The following KLHL4 variants were observed in gnomAD, a reference collection of about 807,000 sequenced individuals.
KLHL4 encodes kelch-like protein 4.
KLHL4 carries 17 observed loss-of-function variants against 45.8 expected under a neutral mutation model. The observed-to-expected ratio is 0.37, with a 90% CI of 0.25 to 0.56. The LOEUF is 0.56. Among genes scored for constraint, KLHL4 ranks in the 20% least tolerant of loss-of-function variants. The pLI, the probability that KLHL4 is intolerant of heterozygous loss-of-function variation, is 0.79. For synonymous variants in KLHL4, 224 were observed against 189.9 expected, an observed-to-expected ratio of 1.18 and a Z score of -1.47; for missense variants, 544 against 544.9, an observed-to-expected ratio of 1.00 and a Z score of 0.02.
At chrX:87,560,305 T>C (rs1437977027) in intron 1 of KLHL4, among the ~76,000 whole-genome samples, 1 of 112,045 alleles carries the variant, frequency 8.9e-6, no homozygotes, top group Admixed American at 9.5e-5. Context: ...TTTTTGGAGA[T>C]TACTTCCTCT....
chrX:87,654,714 G>T (rs1235329247), intron 9 of KLHL4, among the ~76,000 whole-genome samples: 1 of 111,851 alleles, frequency 8.9e-6, no homozygotes, highest in African/African-American at 3.3e-5. Context: ...CTTTGAGAAA[G>T]CTGCATACTG....
chrX:87,555,929 C>T (rs1931961842), intron 1 of KLHL4, among the ~76,000 whole-genome samples: 1 of 109,988 alleles, frequency 9.1e-6, no homozygotes, highest in Non-Finnish European at 1.9e-5. Context: ...TCTTTGTTCT[C>T]GTTGGTTTCA....
intron 1 of KLHL4, among the ~76,000 whole-genome samples, chrX:87,573,589 A>C (rs1243096320): frequency 1.8e-5 from 2 of 111,368 alleles, no homozygotes. Context: ...TTGTTGATTA[A>C]ATAATAAAGA....
In KLHL4 at chrX:87,558,310, C is replaced by T. The variant is rs1045056514; in HGVS notation, c.422+39995C>T. Among the ~76,000 whole-genome samples, 7 of 111,219 alleles carry T rather than the reference C, an allele frequency of 6.3e-5. No individual in the cohort carries two copies. In the East Asian group the frequency reaches 2.0e-3, roughly 32 times the overall value. On this transcript the variant is annotated intron_variant, in intron 1 of 10. Coordinates refer to ENST00000373119, the MANE Select transcript of KLHL4 (RefSeq NM_019117.5). ...TCTCATTTGTAAAATGAGGACGGTA[C>T]ATGTACCTATGTTATATGACTGTGT...
At position 87,560,161 on chromosome X, in the gene KLHL4, A is replaced by T. The variant is rs142591703; in HGVS notation, c.422+41846A>T. ...GCATTTGGTTTTAAACCCTGTGACA[A>T]TAATGCTTCTATCTTTCCTTAAGAC... On this transcript the variant is annotated intron_variant, in intron 1 of 10. Transcript: ENST00000373119. Among the ~76,000 whole-genome samples the T allele has an allele frequency of 7.6e-3, 851 of 111,917 alleles. 6 individuals are homozygous for T. Among genetic ancestry groups the T allele is most frequent in the African/African-American group, 0.026 (810 of 30,869 alleles).
intron 4 of KLHL4, 135 bp from the exon 5 acceptor site, chrX:87,622,076 C>T: frequency 2.2e-6 from 1 of 462,493 alleles, no homozygotes; most frequent in Non-Finnish European, 3.8e-6. Context: ...AGCAGGAGCA[C>T]CTATTTTTTA....
chrX:87,533,487 A>G, intron 1 of KLHL4, among the ~76,000 whole-genome samples: 1 of 98,218 alleles, frequency 1.0e-5, no homozygotes, highest in Non-Finnish European at 2.0e-5. Context: ...TCTCACTCAT[A>G]GGTGGGAATT....
At chrX:87,623,220 CAA>C (rs1922810284) in intron 5 of KLHL4, among the ~76,000 whole-genome samples, 1 of 103,791 alleles carries the variant, frequency 9.6e-6, no homozygotes, top group Non-Finnish European at 2.0e-5. Context: ...ACTTTTATAA[CAA>C]AGTTACTAAT....
chrX:87,556,177 G>C (rs184545920), intron 1 of KLHL4, among the ~76,000 whole-genome samples: 227 of 110,663 alleles, frequency 2.1e-3, no homozygotes, highest in African/African-American at 7.0e-3. Flanking sequence ...GTGTGGTGTG[G>C]TGCCAAAGGA....
chrX:87,562,770 T>G (rs1932127484), intron 1 of KLHL4, among the ~76,000 whole-genome samples: 1 of 111,212 alleles, frequency 9.0e-6, no homozygotes, highest in Non-Finnish European at 1.9e-5. Context: ...TGAATAAACA[T>G]TAGCAGTAGA....
chrX:87,542,688 T>G (rs1057208482), intron 1 of KLHL4, among the ~76,000 whole-genome samples: 4 of 112,112 alleles, frequency 3.6e-5, no homozygotes, highest in Non-Finnish European at 7.5e-5. Context: ...CATTGTATCT[T>G]GGAAGTAAAT....
chrX:87,647,087 C>T lies in KLHL4; in HGVS notation c.1925+11312C>T, dbSNP rs1009670422. ...GAAGTGGGCTAAGGACATGAATAGA[C>T]AACTCTCAAAAGAAGATATACATAT... On this transcript the variant is annotated intron_variant, in intron 9 of 10. Coordinates refer to ENST00000373119, the MANE Select transcript of KLHL4 (RefSeq NM_019117.5). Among the ~76,000 whole-genome samples the T allele has an allele frequency of 3.6e-5, 4 of 111,698 alleles. No individual in the cohort carries two copies. In the Admixed American group the frequency reaches 3.8e-4, roughly 11 times the overall value.
At chrX:87,536,419 C>T (rs1208032206) in intron 1 of KLHL4, among the ~76,000 whole-genome samples, 2 of 110,333 alleles carry the variant, frequency 1.8e-5, no homozygotes, top group African/African-American at 6.6e-5. Flanking sequence ...CTTTGTCATC[C>T]CTGTAGATAA....
intron 1 of KLHL4, among the ~76,000 whole-genome samples, chrX:87,584,901 C>G (rs1921414187): frequency 1.8e-5 from 2 of 108,443 alleles, no homozygotes; most frequent in Admixed American, 9.8e-5. Flanking sequence ...TAGATTTACC[C>G]CCAAAATGAC....
chrX:87,646,308 G>C (rs756839771), intron 9 of KLHL4, among the ~76,000 whole-genome samples: 121 of 111,639 alleles, frequency 1.1e-3, no homozygotes, highest in African/African-American at 3.8e-3. Flanking sequence ...TTGTGATCAT[G>C]ACCATACTGC....
rs780173091 is a variant in KLHL4 at position 87,554,661 on chromosome X, A to G, written c.422+36346A>G. ...CTAGATATACAATCATGTCATCTGC[A>G]AACAGGGACAATTTGACTTCCTCTT... On this transcript the variant is annotated intron_variant, in intron 1 of 10. Coordinates refer to ENST00000373119, the MANE Select transcript of KLHL4 (RefSeq NM_019117.5). 3.4e-3 allele frequency among the ~76,000 whole-genome samples: 372 copies of G among 108,145 alleles called. 5 individuals are homozygous for G. Among genetic ancestry groups the G allele is most frequent in the African/African-American group, 0.012 (359 of 29,684 alleles). 93.9% of individuals were successfully genotyped at this position (108,145 alleles called of 115,157 possible). A position where few individuals can be genotyped will look rare whatever the true frequency, so the allele number is the denominator to read the frequency against.
At chrX:87,569,535 C>T (rs1398099471) in intron 1 of KLHL4, among the ~76,000 whole-genome samples, 1 of 111,487 alleles carries the variant, frequency 9.0e-6, no homozygotes, top group Non-Finnish European at 1.9e-5. Flanking sequence ...CACAGCAGCA[C>T]TATTCACAAT....
chrX:87,646,854 C>A (rs1382915832), intron 9 of KLHL4, among the ~76,000 whole-genome samples: 3 of 111,422 alleles, frequency 2.7e-5, no homozygotes, highest in Admixed American at 9.5e-5. Flanking sequence ...GACTTCATGA[C>A]CAAGAACCCA....
intron 1 of KLHL4, among the ~76,000 whole-genome samples, chrX:87,565,685 C>CA (rs748577568): frequency 0.028 from 743 of 26,173 alleles, 53 homozygotes; most frequent in Middle Eastern, 0.038. Context: ...GTGATTGTGC[C>CA]AAAAAAAAAA....
Sources: gnomAD v4.1 joint callset for allele counts (sites outside exome capture counted in the v4.1 genomes callset) on GRCh38, gnomAD v4.1.1 for gene constraint, MANE v1.5 for transcripts, NCBI Gene and HGNC (gene_info 2026-07-23, HGNC 2026-07-21) for gene names.